INTS4: variants seen among roughly 807,000 people sequenced by gnomAD.
The protein encoded by INTS4 is integrator complex subunit 4.
A neutral mutation model predicts 119.5 loss-of-function variants in INTS4; 70 were observed. The observed-to-expected ratio is 0.59, with a 90% CI of 0.48 to 0.71. The LOEUF is 0.71. INTS4 is among the 30% of genes least tolerant of loss of function. INTS4 has a pLI of 0.00. For synonymous variants in INTS4, 316 were observed against 419.6 expected, an observed-to-expected ratio of 0.75 and a Z score of 3.02; for missense variants, 867 against 1,173.2, an observed-to-expected ratio of 0.74 and a Z score of 3.81.
intron 11 of INTS4, among the ~76,000 whole-genome samples, chr11:77,925,741 C>A (rs991195221): frequency 2.0e-5 from 3 of 152,248 alleles, no homozygotes; most frequent in Non-Finnish European, 2.9e-5. Flanking sequence ...TCTCAGACTT[C>A]ATCTCATGCC....
chr11:77,954,535 T>C (rs1361463919), intron 8 of INTS4, among the ~76,000 whole-genome samples: 1 of 152,138 alleles, frequency 6.6e-6, no homozygotes, highest in Non-Finnish European at 1.5e-5. Flanking sequence ...TTATCTAAGA[T>C]AGTGGTCCCC....
intron 10 of INTS4, among the ~76,000 whole-genome samples, chr11:77,933,577 C>A (rs1024112283): frequency 6.6e-6 from 1 of 152,190 alleles, no homozygotes; most frequent in Admixed American, 6.5e-5. Flanking sequence ...CTCGCTACAA[C>A]CTCCACCTCC....
chr11:77,876,460 T>C (rs1218783735), downstream of INTS4, among the ~76,000 whole-genome samples: 1 of 151,486 alleles, frequency 6.6e-6, no homozygotes, highest in Non-Finnish European at 1.5e-5. Context: ...AAAACTAAAA[T>C]TCTCATGTTC....
At chr11:77,929,529 A>G (rs1196690442) in intron 10 of INTS4, among the ~76,000 whole-genome samples, 2 of 152,248 alleles carry the variant, frequency 1.3e-5, no homozygotes, top group Non-Finnish European at 2.9e-5. Flanking sequence ...GTTATCATTA[A>G]GATTAAAGTA....
At chr11:77,924,653 C>A in intron 12 of INTS4, 97 bp downstream of exon 12, 2 of 1,148,926 alleles carry the variant, frequency 1.7e-6, no homozygotes, top group Middle Eastern at 3.0e-4. Flanking sequence ...AATTCAGGGC[C>A]GTACTATCCT....
At chr11:77,923,855 C>T (rs1179761931) in intron 12 of INTS4, among the ~76,000 whole-genome samples, 4 of 150,128 alleles carry the variant, frequency 2.7e-5, no homozygotes, top group African/African-American at 4.9e-5. Flanking sequence ...ACCTCTGCTT[C>T]CAGGGTTCAA....
At position 77,955,261 on chromosome 11, in the gene INTS4, C is replaced by T. The variant is rs555615685; in HGVS notation, c.918+681G>A. ...CTGAGGTGGAAGGATTGCTTGAGCC[C>T]GGCAGGTCAAGGCTGCAGTGAGCCG... On this transcript the variant is annotated intron_variant, in intron 8 of 22. Transcript: ENST00000534064. Among the ~76,000 whole-genome samples, 317 of 152,200 alleles carry T rather than the reference C, an allele frequency of 2.1e-3. 2 individuals are homozygous for T. The highest frequency in any genetic ancestry group is 3.8e-3 in the Non-Finnish European group (255 of 67,986).
At chr11:77,926,662 C>T (rs964888810) in intron 11 of INTS4, among the ~76,000 whole-genome samples, 2 of 151,118 alleles carry the variant, frequency 1.3e-5, no homozygotes, top group African/African-American at 4.9e-5. Context: ...AAAATATATA[C>T]AAAAATTAGT....
intron 8 of INTS4, among the ~76,000 whole-genome samples, chr11:77,946,576 A>AC (rs1332920647): frequency 2.0e-5 from 3 of 152,132 alleles, no homozygotes; most frequent in Admixed American, 6.6e-5. Flanking sequence ...ATTCTGGGCA[A>AC]CATGGCAAAA....
At chr11:77,898,446 G>A (rs1003225533) in intron 18 of INTS4, among the ~76,000 whole-genome samples, 4 of 152,190 alleles carry the variant, frequency 2.6e-5, no homozygotes, top group Non-Finnish European at 5.9e-5. Context: ...ACAGGCGTGA[G>A]CCACTGCGCC....
At chr11:77,989,459 C>CA (rs912325127) in intron 2 of INTS4, among the ~76,000 whole-genome samples, 2 of 149,988 alleles carry the variant, frequency 1.3e-5, no homozygotes, top group Non-Finnish European at 3.0e-5. Context: ...AGACTCATCT[C>CA]AAAAAAAATA....
chr11:77,929,564 T>G (rs897674553), intron 10 of INTS4, among the ~76,000 whole-genome samples: 5 of 152,218 alleles, frequency 3.3e-5, no homozygotes, highest in African/African-American at 1.2e-4. Flanking sequence ...GTTCGAATTT[T>G]AGAGGTAAGA....
intron 15 of INTS4, 29 bp downstream of exon 15, chr11:77,918,792 T>A: frequency 6.2e-7 from 1 of 1,610,080 alleles, no homozygotes; most frequent in Non-Finnish European, 8.5e-7. Context: ...CAGCACTAAC[T>A]CTGTCAGATG....
chr11:77,879,541 C>T (rs769996194), intron 22 of INTS4, among the ~76,000 whole-genome samples: 1 of 152,182 alleles, frequency 6.6e-6, no homozygotes, highest in African/African-American at 2.4e-5. Flanking sequence ...GCTGCATGTA[C>T]CACAGACTAC....
In INTS4 at chr11:77,994,557, G is replaced by C. The variant is rs776468191; in HGVS notation, c.54+33C>G. On this transcript the variant is annotated intron_variant, in intron 1 of 22. Coordinates refer to ENST00000534064, the MANE Select transcript of INTS4 (RefSeq NM_033547.4). ...GATTTGGATAATCTACCCTGGTCCG[G>C]ATCGGTTCTGGATCTTTCCCGCCAG... The C allele has an allele frequency of 2.0e-6, 3 of 1,526,918 alleles. No homozygotes were observed. The African/African-American group carries it at 4.1e-5, about 21-fold the overall frequency. 94.6% of individuals were successfully genotyped at this position (1,526,918 alleles called of 1,614,324 possible).
At chr11:77,942,681 T>C (rs192347909) in intron 8 of INTS4, among the ~76,000 whole-genome samples, 38 of 152,320 alleles carry the variant, frequency 2.5e-4, no homozygotes, top group African/African-American at 7.7e-4. Context: ...GTATGACTAA[T>C]GGACCATAAG....
intron 18 of INTS4, among the ~76,000 whole-genome samples, chr11:77,895,382 G>A (rs926253600): frequency 1.3e-5 from 2 of 151,768 alleles, no homozygotes; most frequent in African/African-American, 4.8e-5. Flanking sequence ...TAGTCTCCAT[G>A]AGTAGACTTT....
At position 77,891,251 on chromosome 11, in the gene INTS4, G is replaced by A. The variant is rs1002346968; in HGVS notation, c.2592+68C>T. On this transcript the variant is annotated intron_variant, in intron 21 of 22. Transcript: ENST00000534064. The stretch of plus-strand genomic sequence containing the variant: ...TGTCCCTCAAGTAGAGACTACAGGG[G>A]TGCTAACATTAAATACTTCAACACA... 5.8e-5 allele frequency: 85 copies of A among 1,475,996 alleles called. No homozygotes were observed. In the African/African-American group the frequency reaches 1.0e-3, roughly 18 times the overall value. The allele number at this position is 1,475,996 out of a possible 1,614,324, so 91.4% of individuals were successfully genotyped here. A position where few individuals can be genotyped will look rare whatever the true frequency, so the allele number is the denominator to read the frequency against.
At chr11:77,898,460 C>A (rs1591028024) in intron 18 of INTS4, among the ~76,000 whole-genome samples, 1 of 152,314 alleles carries the variant, frequency 6.6e-6, no homozygotes, top group South Asian at 2.1e-4. Flanking sequence ...CTGCGCCCGG[C>A]CAACTGGCCC....
Sources: gnomAD v4.1 joint callset for allele counts (sites outside exome capture counted in the v4.1 genomes callset) on GRCh38, gnomAD v4.1.1 for gene constraint, MANE v1.5 for transcripts, NCBI Gene and HGNC (gene_info 2026-07-23, HGNC 2026-07-21) for gene names.